SLC4A10: variants seen among roughly 807,000 people sequenced by gnomAD.
The protein encoded by SLC4A10 is solute carrier family 4 member 10, also known as sodium-driven chloride bicarbonate exchanger.
SLC4A10 carries 42 observed loss-of-function variants against 137.7 expected under a neutral mutation model. The observed-to-expected ratio is 0.30, with a 90% CI of 0.24 to 0.39. The LOEUF is 0.39. Ranked by LOEUF, SLC4A10 falls within the 10% of genes least tolerant of loss-of-function variation. SLC4A10 has a pLI of 1.00. For missense variants in SLC4A10, 925 were observed against 1,355.0 expected (o/e 0.68, Z 4.98); for synonymous variants, 474 against 464.1 (o/e 1.02, Z -0.27).
chr2:161,711,860 C>G (rs183143800), intron 1 of SLC4A10, among the ~76,000 whole-genome samples: 3 of 151,842 alleles, frequency 2.0e-5, no homozygotes, highest in Admixed American at 2.0e-4. Context: ...GCACCTACCT[C>G]AAAGAGTTGT....
intron 10 of SLC4A10, among the ~76,000 whole-genome samples, chr2:161,889,728 A>G (rs1450021464): frequency 6.6e-6 from 1 of 152,104 alleles, no homozygotes; most frequent in Non-Finnish European, 1.5e-5. Context: ...TTTTCAAAAA[A>G]CCAGCTCTTG....
intron 11 of SLC4A10, among the ~76,000 whole-genome samples, chr2:161,899,422 CT>C (rs1434444121): frequency 6.6e-6 from 1 of 152,024 alleles, no homozygotes; most frequent in Non-Finnish European, 1.5e-5. Flanking sequence ...CTCCAAGAGG[CT>C]TTTGCCCCTA....
At chr2:161,932,282 C>A (rs771509288) in intron 15 of SLC4A10, among the ~76,000 whole-genome samples, 3 of 152,110 alleles carry the variant, frequency 2.0e-5, no homozygotes, top group Non-Finnish European at 2.9e-5. Flanking sequence ...TCACCTAATT[C>A]TTTTTACCTA....
In SLC4A10 at chr2:161,964,989, C is replaced by A. The variant is rs191565204; in HGVS notation, c.3037-62C>A. 7,921 of 1,499,952 alleles carry A rather than the reference C, an allele frequency of 5.3e-3. 29 individuals are homozygous for A. Among genetic ancestry groups the A allele is most frequent in the Non-Finnish European group, 6.0e-3 (6,615 of 1,102,350 alleles). The allele number at this position is 1,499,952 out of a possible 1,614,324, so 92.9% of individuals were successfully genotyped here. A position where few individuals can be genotyped will look rare whatever the true frequency, so the allele number is the denominator to read the frequency against. On this transcript the variant is annotated intron_variant, in intron 22 of 26. Coordinates refer to ENST00000446997, the MANE Select transcript of SLC4A10 (RefSeq NM_001178015.2). The stretch of plus-strand genomic sequence containing the variant: ...TTGTTTCTACCAAAAACCATACAGG[C>A]AAATCTACACCTCTCGTTTTAATTT...
chr2:161,930,513 TATA>T (rs1354359548), intron 15 of SLC4A10, among the ~76,000 whole-genome samples: 5 of 150,788 alleles, frequency 3.3e-5, no homozygotes, highest in Non-Finnish European at 7.4e-5. Context: ...GTCCAGTTGT[TATA>T]ATTATACTTA....
chr2:161,649,346 G>A (rs907610659), intron 1 of SLC4A10, among the ~76,000 whole-genome samples: 1 of 152,182 alleles, frequency 6.6e-6, no homozygotes, highest in African/African-American at 2.4e-5. Flanking sequence ...GGGTGACAGA[G>A]CCAGACCTTG....
chr2:161,955,418 G>T (rs1018090767), intron 19 of SLC4A10, among the ~76,000 whole-genome samples: 1 of 152,128 alleles, frequency 6.6e-6, no homozygotes, highest in African/African-American at 2.4e-5. Context: ...TGAGTTACTT[G>T]CAAAGAAAAG....
intron 4 of SLC4A10, among the ~76,000 whole-genome samples, chr2:161,841,745 C>T (rs199835975): frequency 6.6e-6 from 1 of 152,114 alleles, no homozygotes; most frequent in Non-Finnish European, 1.5e-5. Context: ...GTAAATAAAA[C>T]TAATAACTGC....
At chr2:161,642,890 A>G (rs1405924450) in intron 1 of SLC4A10, among the ~76,000 whole-genome samples, 3 of 151,940 alleles carry the variant, frequency 2.0e-5, no homozygotes, top group Non-Finnish European at 2.9e-5. Flanking sequence ...TTTCACTAGT[A>G]TTTTTGTAGC....
At chr2:161,914,416 C>T (rs1051338926) in intron 15 of SLC4A10, among the ~76,000 whole-genome samples, 14 of 152,084 alleles carry the variant, frequency 9.2e-5, no homozygotes, top group Admixed American at 7.2e-4. Context: ...AGAAGGGTCA[C>T]GAAACATGTT....
At chr2:161,779,292 A>G (rs1458722139) in intron 2 of SLC4A10, among the ~76,000 whole-genome samples, 1 of 151,974 alleles carries the variant, frequency 6.6e-6, no homozygotes, top group Non-Finnish European at 1.5e-5. Flanking sequence ...TCATGAACTG[A>G]GCACCTCCCA....
chr2:161,633,305 T>C (rs1170937533), intron 1 of SLC4A10, among the ~76,000 whole-genome samples: 1 of 151,822 alleles, frequency 6.6e-6, no homozygotes, highest in Non-Finnish European at 1.5e-5. Context: ...GCTGGATTCT[T>C]GAAAGCAGCT....
At chr2:161,767,139 A>ATATATATATATATATATGTG (rs1362865580) in intron 1 of SLC4A10, among the ~76,000 whole-genome samples, 1 of 57,108 alleles carries the variant, frequency 1.8e-5, no homozygotes, top group African/African-American at 5.6e-5. Context: ...ATATATATAT[A>ATATATATATATATATATGTG]TGTGTGTGTG....
intron 16 of SLC4A10, among the ~76,000 whole-genome samples, chr2:161,947,189 T>C (rs1257952625): frequency 1.3e-5 from 2 of 152,232 alleles, no homozygotes; most frequent in East Asian, 3.9e-4. Context: ...AAATGATGTA[T>C]TTAAATAGCT....
intron 2 of SLC4A10, among the ~76,000 whole-genome samples, chr2:161,799,538 G>A (rs1324019846): frequency 6.6e-6 from 1 of 151,968 alleles, no homozygotes; most frequent in Non-Finnish European, 1.5e-5. Flanking sequence ...GGAAGAAAAT[G>A]AAATGGGACA....
intron 10 of SLC4A10, among the ~76,000 whole-genome samples, chr2:161,894,159 A>G (rs1388551471): frequency 6.6e-6 from 1 of 152,072 alleles, no homozygotes; most frequent in Non-Finnish European, 1.5e-5. Context: ...ATCTGCAGGG[A>G]ATCCTGGAAC....
intron 1 of SLC4A10, among the ~76,000 whole-genome samples, chr2:161,653,218 T>C (rs1260550225): frequency 6.6e-6 from 1 of 152,258 alleles, no homozygotes; most frequent in Non-Finnish European, 1.5e-5. Context: ...CCATGGTGTA[T>C]ATGTGCCATA....
At chr2:161,655,232 A>G (rs2037346542) in intron 1 of SLC4A10, among the ~76,000 whole-genome samples, 1 of 152,128 alleles carries the variant, frequency 6.6e-6, no homozygotes, top group African/African-American at 2.4e-5. Flanking sequence ...ATCTTGCAAT[A>G]CTGAATTTGT....
chr2:161,710,547 A>C (rs775349860), intron 1 of SLC4A10: 2 of 227,776 alleles, frequency 8.8e-6, no homozygotes, highest in Non-Finnish European at 1.9e-5. Context: ...TTCAAAATAT[A>C]CTACAATAAA....
Sources: gnomAD v4.1 joint callset for allele counts (sites outside exome capture counted in the v4.1 genomes callset) on GRCh38, gnomAD v4.1.1 for gene constraint, MANE v1.5 for transcripts, NCBI Gene and HGNC (gene_info 2026-07-23, HGNC 2026-07-21) for gene names.